The following PDE9A variants were observed in gnomAD, a reference collection of about 807,000 sequenced individuals.
PDE9A encodes phosphodiesterase 9A.
PDE9A carries 60 observed loss-of-function variants against 87.4 expected under a neutral mutation model. That is an observed-to-expected ratio of 0.69 (90% CI 0.56 to 0.85). PDE9A has a LOEUF of 0.85. PDE9A is among the 40% of genes least tolerant of loss of function. PDE9A has a pLI of 0.00. For synonymous variants in PDE9A, 272 were observed against 279.4 expected (o/e 0.97, Z 0.27); for missense variants, 665 against 779.0 (o/e 0.85, Z 1.74).
In PDE9A at chr21:42,660,488, A is replaced by G. The variant is rs754725192; in HGVS notation, c.69+6605A>G. Among the ~76,000 whole-genome samples, 3 of 152,132 alleles carry G rather than the reference A, an allele frequency of 2.0e-5. No homozygotes were observed. The highest frequency in any genetic ancestry group is 4.4e-5 in the Non-Finnish European group (3 of 68,022). ...AAGAAAATGTTCTAAGAAAGTGCAC[A>G]GGGTGGTGGATGAAAGACCACGCTC... is the stretch of plus-strand genomic sequence containing the variant. On this transcript the variant is annotated intron_variant, in intron 1 of 19. Coordinates refer to ENST00000291539, the MANE Select transcript of PDE9A (RefSeq NM_002606.3). This position sits in a 1 kb window ranked among gnomAD's most constrained non-coding sequence, Gnocchi z 4.7.
intron 3 of PDE9A, among the ~76,000 whole-genome samples, chr21:42,688,998 C>T (rs1177305238): frequency 1.3e-5 from 2 of 152,086 alleles, no homozygotes; most frequent in East Asian, 3.9e-4. Flanking sequence ...CCGTCCCCCT[C>T]AGTGAGCGCT....
chr21:42,751,424 C>T (rs1038615896), intron 9 of PDE9A, among the ~76,000 whole-genome samples: 1 of 152,258 alleles, frequency 6.6e-6, no homozygotes, highest in Admixed American at 6.5e-5. Flanking sequence ...AAGGACATAA[C>T]AGCTCCGTGC....
chr21:42,665,444 C>G (rs2057900775), intron 1 of PDE9A, among the ~76,000 whole-genome samples: 1 of 152,160 alleles, frequency 6.6e-6, no homozygotes, highest in South Asian at 2.1e-4. Flanking sequence ...CCTCCCCCAC[C>G]CAGAGACCCC....
At chr21:42,697,594 T>C in intron 3 of PDE9A, 2 of 801,960 alleles carry the variant, frequency 2.5e-6, no homozygotes, top group Non-Finnish European at 4.4e-6. Flanking sequence ...TCTCAGAGTC[T>C]GGAGGCTGAA....
intron 9 of PDE9A, among the ~76,000 whole-genome samples, chr21:42,751,896 G>A (rs765910957): frequency 2.0e-5 from 3 of 152,052 alleles, no homozygotes; most frequent in African/African-American, 7.2e-5. Flanking sequence ...ACAGGTGCCC[G>A]TCACCATGCC....
chr21:42,658,286 G>T (rs2057240807), intron 1 of PDE9A, among the ~76,000 whole-genome samples: 1 of 152,244 alleles, frequency 6.6e-6, no homozygotes, highest in Non-Finnish European at 1.5e-5. Flanking sequence ...CCCTGCTGGG[G>T]TGGTCTGTGG....
rs149896601 is a variant in PDE9A at position 42,655,574 on chromosome 21, C to T, written c.69+1691C>T. Among the ~76,000 whole-genome samples the T allele has an allele frequency of 4.4e-3, 671 of 152,306 alleles. 4 individuals carry two copies. Among genetic ancestry groups the T allele is most frequent in the Non-Finnish European group, 6.4e-3 (437 of 68,018 alleles). ...CCTTTGCGGGGGAGAGGCGGATTGA[C>T]TGCCAGCTCTACCACTTCCTGTACC... On this transcript the variant is annotated intron_variant, in intron 1 of 19. Transcript: ENST00000291539.
rs2056973205 is a variant in PDE9A, at chr21:42,770,935, C to T, written c.1686+137C>T. The T allele has an allele frequency of 4.7e-5, 30 of 632,272 alleles. No homozygotes were observed. The South Asian group carries it at 5.3e-4, about 11-fold the overall frequency. 39.2% of individuals were successfully genotyped at this position (632,272 alleles called of 1,614,324 possible). Reference sequence around the variant, plus strand: ...CGTGGACAGGCACACGTGTACCTTCCATCAGAAAGCCTGGCTCAGTAAAAT... The same window carrying T: ...CGTGGACAGGCACACGTGTACCTTCTATCAGAAAGCCTGGCTCAGTAAAAT... On this transcript the variant is annotated intron_variant, in intron 18 of 19. Transcript: ENST00000291539.
In PDE9A at chr21:42,692,519, C is replaced by T. The variant is rs528796384; in HGVS notation, c.218+4525C>T. On this transcript the variant is annotated intron_variant, in intron 3 of 19. Transcript: ENST00000291539. The surrounding 1 kb of genome is among the most constrained non-coding windows in gnomAD (Gnocchi z 4.3). ...CAACCTAGTAGTTCTCAGACAACTGCGTCAGAATCCGCAGGGGGCTTGGTG... is the reference window on the plus strand; with the variant it reads ...CAACCTAGTAGTTCTCAGACAACTGTGTCAGAATCCGCAGGGGGCTTGGTG... Among the ~76,000 whole-genome samples the T allele has an allele frequency of 3.3e-5, 5 of 152,240 alleles. No homozygotes were observed. The highest frequency in any genetic ancestry group is 3.9e-4 in the East Asian group (2 of 5,158).
chr21:42,765,658 C>G, intron 15 of PDE9A, 164 bp downstream of exon 15: 1 of 634,844 alleles, frequency 1.6e-6, no homozygotes, highest in East Asian at 2.8e-5. Flanking sequence ...CTAGGAAAGT[C>G]CGGGCAGGGC....
chr21:42,702,889 G>A lies in PDE9A; in HGVS notation c.262+3878G>A, dbSNP rs1483160202. On this transcript the variant is annotated intron_variant, in intron 4 of 19. Coordinates refer to ENST00000291539, the MANE Select transcript of PDE9A (RefSeq NM_002606.3). The surrounding 1 kb of genome is among the most constrained non-coding windows in gnomAD (Gnocchi z 4.9). The stretch of plus-strand genomic sequence containing the variant: ...TGAGTGGCGTGGGCAGCTATTAGAA[G>A]GCTTTCAGGAGAGGAGTGACATCAT... Among the ~76,000 whole-genome samples the A allele has an allele frequency of 6.6e-6, 1 of 152,232 alleles. No individual in the cohort carries two copies. The highest frequency in any genetic ancestry group is 1.5e-5 in the Non-Finnish European group (1 of 68,048).
intron 7 of PDE9A, among the ~76,000 whole-genome samples, chr21:42,737,404 A>G (rs1477014826): frequency 1.3e-5 from 2 of 152,226 alleles, no homozygotes; most frequent in Non-Finnish European, 2.9e-5. Flanking sequence ...ACATGCGCAC[A>G]CACAGCTGCT....
At position 42,704,633 on chromosome 21, in the gene PDE9A, C is replaced by T. The variant is rs1309965596; in HGVS notation, c.262+5622C>T. 3.9e-5 allele frequency among the ~76,000 whole-genome samples: 6 copies of T among 152,310 alleles called. No individual in the cohort carries two copies. The East Asian group carries it at 1.2e-3, about 29-fold the overall frequency. Reference sequence around the variant, plus strand: ...CAAGGTCAGGAGTTAGCTCTAGCGACGCCGCCCTGAGTTCTGGCCTGTAAG... The same window carrying T: ...CAAGGTCAGGAGTTAGCTCTAGCGATGCCGCCCTGAGTTCTGGCCTGTAAG... On this transcript the variant is annotated intron_variant, in intron 4 of 19. Coordinates refer to ENST00000291539, the MANE Select transcript of PDE9A (RefSeq NM_002606.3). The surrounding 1 kb of genome is among the most constrained non-coding windows in gnomAD (Gnocchi z 5.3).
At chr21:42,736,574 G>A (rs992894169) in intron 7 of PDE9A, among the ~76,000 whole-genome samples, 20 of 152,168 alleles carry the variant, frequency 1.3e-4, no homozygotes, top group African/African-American at 3.6e-4. Flanking sequence ...GGGTAAAACC[G>A]GTTGTGACTA....
chr21:42,754,815 C>A (rs1018037362), intron 10 of PDE9A, among the ~76,000 whole-genome samples: 1 of 152,182 alleles, frequency 6.6e-6, no homozygotes, highest in Non-Finnish European at 1.5e-5. Context: ...TCCTTCTCTG[C>A]CATTCTCCAT....
At chr21:42,678,631 A>G (rs554317267) in intron 1 of PDE9A, among the ~76,000 whole-genome samples, 26 of 152,386 alleles carry the variant, frequency 1.7e-4, no homozygotes, top group African/African-American at 5.8e-4. Flanking sequence ...AAGTTTTCAC[A>G]TATGTGAATG....
chr21:42,729,659 A>G (rs2051516411), intron 4 of PDE9A, among the ~76,000 whole-genome samples: 1 of 152,102 alleles, frequency 6.6e-6, no homozygotes, highest in South Asian at 2.1e-4. Flanking sequence ...CCCTCTCAGC[A>G]TTGCTTTAGT....
intron 1 of PDE9A, among the ~76,000 whole-genome samples, chr21:42,672,437 C>T (rs2058615409): frequency 6.6e-6 from 1 of 152,234 alleles, no homozygotes; most frequent in Non-Finnish European, 1.5e-5. Context: ...GTCTCAGTCC[C>T]CATTGGTGGT....
In PDE9A at chr21:42,675,609, C is replaced by T. The variant is rs2146031367; in HGVS notation, c.70-10583C>T. 6.6e-6 allele frequency among the ~76,000 whole-genome samples: 1 copy of T among 152,352 alleles called. No homozygotes were observed. Among genetic ancestry groups the T allele is most frequent in the South Asian group, 2.1e-4 (1 of 4,828 alleles). On this transcript the variant is annotated intron_variant, in intron 1 of 19. Coordinates refer to ENST00000291539, the MANE Select transcript of PDE9A (RefSeq NM_002606.3). This position sits in a 1 kb window ranked among gnomAD's most constrained non-coding sequence, Gnocchi z 4.3. ...TGTGGATACACGGGCCCGAACGGCG[C>T]CAGCCTCACTGCCTCTGCGTTAGTG...
Sources: gnomAD v4.1 joint callset for allele counts (sites outside exome capture counted in the v4.1 genomes callset) on GRCh38, gnomAD v4.1.1 for gene constraint, Gnocchi (gnomAD v3.1) non-coding constraint, MANE v1.5 for transcripts, NCBI Gene and HGNC (gene_info 2026-07-23, HGNC 2026-07-21) for gene names.